The following EYS variants were observed in gnomAD, a reference collection of about 807,000 sequenced individuals.
The protein encoded by EYS is protein eyes shut homolog.
EYS carries 250 observed loss-of-function variants against 282.1 expected under a neutral mutation model. The ratio of observed to expected loss-of-function variants is 0.89; its 90% confidence interval spans 0.80 to 0.98. The LOEUF (loss-of-function observed/expected upper bound fraction) is 0.98, where lower values mean the gene tolerates loss of function less well. EYS is among the 50% of genes least tolerant of loss of function. The pLI is 0.00. For synonymous variants in EYS, 1,355 were observed against 1,282.9 expected (o/e 1.06, Z -1.20); for missense variants, 4,016 against 3,709.0 (o/e 1.08, Z -2.15).
intron 12 of EYS, among the ~76,000 whole-genome samples, chr6:65,120,053 G>A (rs1373952828): frequency 2.1e-4 from 32 of 150,996 alleles, no homozygotes; most frequent in African/African-American, 7.6e-4. Flanking sequence ...TCAGGAGGCT[G>A]AGGCAGGAGA....
chr6:65,348,301 A>G (rs1166684117), intron 9 of EYS, among the ~76,000 whole-genome samples: 1 of 151,644 alleles, frequency 6.6e-6, no homozygotes, highest in Non-Finnish European at 1.5e-5. Context: ...ATTTTTTAGG[A>G]ACCTCCAAAC....
chr6:63,992,366 T>C (rs1230623356), intron 34 of EYS, among the ~76,000 whole-genome samples: 6 of 151,758 alleles, frequency 4.0e-5, no homozygotes, highest in Admixed American at 3.9e-4. Context: ...TGCAGGTTTG[T>C]TACCTGGGTA....
At chr6:63,993,080 A>G (rs533906155) in intron 34 of EYS, among the ~76,000 whole-genome samples, 46 of 151,874 alleles carry the variant, frequency 3.0e-4, no homozygotes, top group Non-Finnish European at 6.2e-4. Flanking sequence ...AAACTGGAAG[A>G]TAACAATCAC....
intron 28 of EYS, among the ~76,000 whole-genome samples, chr6:64,418,585 AC>A (rs1774132364): frequency 6.6e-6 from 1 of 152,202 alleles, no homozygotes; most frequent in African/African-American, 2.4e-5. Flanking sequence ...TCATAAAATC[AC>A]AGGGAGAGAG....
chr6:63,829,963 G>A (rs375855699), intron 36 of EYS, among the ~76,000 whole-genome samples: 302 of 152,266 alleles, frequency 2.0e-3, no homozygotes, highest in Non-Finnish European at 2.5e-3. Flanking sequence ...GTCTGGAGTC[G>A]ACCTCCAGGA....
At chr6:65,510,910 TTC>T (rs1766844534) in intron 2 of EYS, among the ~76,000 whole-genome samples, 1 of 152,216 alleles carries the variant, frequency 6.6e-6, no homozygotes, top group Admixed American at 6.5e-5. Context: ...GCACATAATA[TTC>T]TCTGTCTGCC....
intron 2 of EYS, among the ~76,000 whole-genome samples, chr6:65,562,241 A>G (rs1483752961): frequency 2.6e-5 from 4 of 152,074 alleles, no homozygotes; most frequent in Non-Finnish European, 1.5e-5. Context: ...AACAAACATC[A>G]GATGTGAGCT....
chr6:64,143,055 A>C (rs1048331362), intron 31 of EYS, among the ~76,000 whole-genome samples: 1 of 152,230 alleles, frequency 6.6e-6, no homozygotes, highest in African/African-American at 2.4e-5. Flanking sequence ...TCACTAAATG[A>C]AAGAAGCCAG....
At chr6:64,277,301 A>G (rs918664646) in intron 30 of EYS, among the ~76,000 whole-genome samples, 1 of 152,160 alleles carries the variant, frequency 6.6e-6, no homozygotes, top group Non-Finnish European at 1.5e-5. Flanking sequence ...AGCATTATAT[A>G]TATGAACATA....
At chr6:64,226,356 C>A (rs1318790328) in intron 31 of EYS, among the ~76,000 whole-genome samples, 2 of 151,926 alleles carry the variant, frequency 1.3e-5, no homozygotes, top group Non-Finnish European at 2.9e-5. Context: ...GATAGAATAT[C>A]AATTAAAACA....
intron 5 of EYS, among the ~76,000 whole-genome samples, chr6:65,468,210 C>T (rs1378816923): frequency 6.6e-6 from 1 of 152,126 alleles, no homozygotes; most frequent in African/African-American, 2.4e-5. Flanking sequence ...TGTTCTGATG[C>T]TTCTTCCTAA....
At chr6:64,563,763 C>G (rs1169803993) in intron 26 of EYS, among the ~76,000 whole-genome samples, 1 of 151,866 alleles carries the variant, frequency 6.6e-6, no homozygotes, top group Non-Finnish European at 1.5e-5. Context: ...CAAACAGTCA[C>G]AAGTAATGTC....
intron 34 of EYS, among the ~76,000 whole-genome samples, 172 bp from the exon 35 acceptor site, chr6:63,984,775 T>G (rs1767278388): frequency 6.6e-6 from 1 of 151,778 alleles, no homozygotes; most frequent in South Asian, 2.1e-4. Context: ...GATAGACTGT[T>G]TTAGAAAATG....
At chr6:64,041,508 C>G (rs1219512324) in intron 33 of EYS, among the ~76,000 whole-genome samples, 4 of 152,050 alleles carry the variant, frequency 2.6e-5, no homozygotes, top group Non-Finnish European at 4.4e-5. Context: ...AAAGAGAATC[C>G]AGAAAATGTT....
At chr6:64,095,147 AT>A (rs1772544330) in intron 31 of EYS, among the ~76,000 whole-genome samples, 1 of 151,990 alleles carries the variant, frequency 6.6e-6, no homozygotes, top group Admixed American at 6.6e-5. Flanking sequence ...GTTCTTTTAC[AT>A]TTGCTGAGGA....
At position 64,789,794 on chromosome 6, in the gene EYS, C is replaced by T. The variant is rs150183405; in HGVS notation, c.3443+23584G>A. Among the ~76,000 whole-genome samples, 512 of 151,836 alleles carry T rather than the reference C, an allele frequency of 3.4e-3. 1 individual carries two copies. Among genetic ancestry groups the T allele is most frequent in the African/African-American group, 0.012 (482 of 41,424 alleles). On this transcript the variant is annotated intron_variant, in intron 22 of 42. Transcript: ENST00000503581. The stretch of plus-strand genomic sequence containing the variant: ...GTATCTAATTTTAATTTCTGATATA[C>T]TACATGGCACAGCAGATGCTCAGTA...
At chr6:64,429,189 T>C (rs1487717014) in intron 28 of EYS, among the ~76,000 whole-genome samples, 1 of 152,210 alleles carries the variant, frequency 6.6e-6, no homozygotes, top group Non-Finnish European at 1.5e-5. Context: ...TATATTTTGT[T>C]AGATTAATTT....
At chr6:64,823,738 C>A (rs767242259) in intron 19 of EYS, among the ~76,000 whole-genome samples, 1 of 151,930 alleles carries the variant, frequency 6.6e-6, no homozygotes, top group Non-Finnish European at 1.5e-5. Flanking sequence ...TTCCAGGTCA[C>A]ACAGGCCATA....
chr6:65,031,614 C>T (rs1485163804), intron 13 of EYS, among the ~76,000 whole-genome samples: 1 of 151,986 alleles, frequency 6.6e-6, no homozygotes, highest in Non-Finnish European at 1.5e-5. Flanking sequence ...ATTAAACAAC[C>T]TACTCCTGAG....
Sources: gnomAD v4.1 joint callset for allele counts (sites outside exome capture counted in the v4.1 genomes callset) on GRCh38, gnomAD v4.1.1 for gene constraint, MANE v1.5 for transcripts, NCBI Gene and HGNC (gene_info 2026-07-23, HGNC 2026-07-21) for gene names.